Variants in DENND5B observed in about 807,000 individuals in gnomAD.
DENND5B encodes the protein DENN domain containing 5B.
Under a neutral mutation model 140.6 loss-of-function variants are expected in DENND5B, and 34 were observed. That is an observed-to-expected ratio of 0.24 (90% CI 0.18 to 0.32). DENND5B has a LOEUF of 0.32. DENND5B is among the 10% of genes least tolerant of loss of function. The probability of loss-of-function intolerance (pLI) is 1.00; values close to 1 mark genes in which losing one functional copy is unlikely to be tolerated. For missense variants in DENND5B, 1,142 were observed against 1,560.2 expected, an observed-to-expected ratio of 0.73 and a Z score of 4.52; for synonymous variants, 551 against 562.1, an observed-to-expected ratio of 0.98 and a Z score of 0.28.
At chr12:31,465,709 C>G (rs1945234973) in intron 3 of DENND5B, 1 of 152,166 alleles carries the variant, frequency 6.6e-6, no homozygotes, top group Non-Finnish European at 1.5e-5. Context: ...TTTGAGGTCT[C>G]AGACACATGC....
intron 1 of DENND5B, among the ~76,000 whole-genome samples, chr12:31,583,370 C>T (rs545484834): frequency 6.6e-6 from 1 of 150,638 alleles, no homozygotes; most frequent in South Asian, 2.1e-4. Context: ...GAATGAGGTA[C>T]TGACTATAAA....
At chr12:31,561,670 A>G (rs1388878317) in intron 1 of DENND5B, among the ~76,000 whole-genome samples, 2 of 152,232 alleles carry the variant, frequency 1.3e-5, no homozygotes, top group African/African-American at 2.4e-5. Flanking sequence ...AAAGTGACAA[A>G]TAGAAAACAT....
intron 1 of DENND5B, among the ~76,000 whole-genome samples, chr12:31,588,061 C>T (rs560688524): frequency 6.6e-6 from 1 of 152,286 alleles, no homozygotes; most frequent in East Asian, 1.9e-4. Flanking sequence ...TGCCCTTTCT[C>T]TTTGATCTTA....
At chr12:31,555,030 G>C (rs1433145819) in intron 1 of DENND5B, among the ~76,000 whole-genome samples, 1 of 152,136 alleles carries the variant, frequency 6.6e-6, no homozygotes, top group Non-Finnish European at 1.5e-5. Context: ...AGAGTAGTTT[G>C]ATCATCTGAA....
chr12:31,519,338 G>A (rs575391943), intron 1 of DENND5B, among the ~76,000 whole-genome samples: 24 of 152,300 alleles, frequency 1.6e-4, no homozygotes, highest in African/African-American at 5.8e-4. Flanking sequence ...TCTATAGGAT[G>A]AACCTGAGGT....
intron 1 of DENND5B, among the ~76,000 whole-genome samples, chr12:31,550,147 C>T (rs1592028993): frequency 6.6e-6 from 1 of 151,152 alleles, no homozygotes; most frequent in African/African-American, 2.4e-5. Flanking sequence ...ATGTGCCATG[C>T]TGGTGTGCTG....
chr12:31,522,719 T>C (rs1947944801), intron 1 of DENND5B, among the ~76,000 whole-genome samples: 1 of 152,186 alleles, frequency 6.6e-6, no homozygotes, highest in African/African-American at 2.4e-5. Context: ...GGACTACAGG[T>C]GAGCGACTGC....
At chr12:31,453,471 C>T (rs1488754741) in intron 4 of DENND5B, among the ~76,000 whole-genome samples, 1 of 152,106 alleles carries the variant, frequency 6.6e-6, no homozygotes, top group Non-Finnish European at 1.5e-5. Context: ...AGTATTTAAC[C>T]TCTACTGTCC....
intron 17 of DENND5B, 107 bp downstream of exon 17, chr12:31,398,067 TC>T: frequency 9.5e-7 from 1 of 1,056,320 alleles, no homozygotes; most frequent in East Asian, 3.3e-5. Flanking sequence ...TCAACTTTCT[TC>T]TTTTTAAAAT....
At chr12:31,561,024 C>T (rs964996011) in intron 1 of DENND5B, among the ~76,000 whole-genome samples, 4 of 152,008 alleles carry the variant, frequency 2.6e-5, no homozygotes, top group Non-Finnish European at 4.4e-5. Context: ...AGTATTCTTA[C>T]GAGAAAATAG....
intron 1 of DENND5B, among the ~76,000 whole-genome samples, chr12:31,584,529 G>A (rs1022125691): frequency 6.6e-6 from 1 of 152,172 alleles, no homozygotes; most frequent in Non-Finnish European, 1.5e-5. Flanking sequence ...AAGAAATGGC[G>A]CAGCCAGGCA....
At chr12:31,549,588 T>C (rs1183625311) in intron 1 of DENND5B, among the ~76,000 whole-genome samples, 2 of 152,008 alleles carry the variant, frequency 1.3e-5, no homozygotes, top group African/African-American at 2.4e-5. Context: ...GATATGCAGG[T>C]TTGTTACACA....
intron 7 of DENND5B, among the ~76,000 whole-genome samples, chr12:31,436,248 T>C (rs1343210488): frequency 6.6e-6 from 1 of 151,760 alleles, no homozygotes; most frequent in African/African-American, 2.4e-5. Context: ...TACAGGTATG[T>C]GCCACCAAAC....
At chr12:31,579,787 A>T (rs1195842178) in intron 1 of DENND5B, among the ~76,000 whole-genome samples, 1 of 77,684 alleles carries the variant, frequency 1.3e-5, no homozygotes, top group Non-Finnish European at 2.4e-5. Flanking sequence ...GGAAGGAGGG[A>T]GGGAGGGAGG....
chr12:31,400,101 C>G (rs1243022115), intron 15 of DENND5B, among the ~76,000 whole-genome samples: 1 of 152,120 alleles, frequency 6.6e-6, no homozygotes, highest in Non-Finnish European at 1.5e-5. Context: ...CAGACAGTGA[C>G]TTGTGCCTTG....
chr12:31,435,158 C>T (rs961639018), intron 7 of DENND5B, among the ~76,000 whole-genome samples: 14 of 152,208 alleles, frequency 9.2e-5, no homozygotes, highest in African/African-American at 3.4e-4. Context: ...CCCACACAGA[C>T]TAGTTCCCAA....
At chr12:31,461,420 G>C (rs1565602507) in intron 3 of DENND5B, among the ~76,000 whole-genome samples, 2 of 152,100 alleles carry the variant, frequency 1.3e-5, no homozygotes, top group African/African-American at 2.4e-5. Flanking sequence ...AAAATTAAAA[G>C]CTCCCCACAA....
chr12:31,512,008 C>CT (rs1264361271), intron 1 of DENND5B, among the ~76,000 whole-genome samples: 4 of 148,450 alleles, frequency 2.7e-5, no homozygotes, highest in Non-Finnish European at 5.9e-5. Context: ...CCTCTGCCTC[C>CT]TGGGTTCAAG....
intron 1 of DENND5B, among the ~76,000 whole-genome samples, chr12:31,519,391 A>T (rs1947795839): frequency 6.6e-6 from 1 of 152,230 alleles, no homozygotes; most frequent in Non-Finnish European, 1.5e-5. Flanking sequence ...GTAGATATAA[A>T]CAACTCTGTC....
Sources: gnomAD v4.1 joint callset for allele counts (sites outside exome capture counted in the v4.1 genomes callset) on GRCh38, gnomAD v4.1.1 for gene constraint, MANE v1.5 for transcripts, NCBI Gene and HGNC (gene_info 2026-07-23, HGNC 2026-07-21) for gene names.